TBC1D14: variants seen among roughly 807,000 people sequenced by gnomAD.
The protein encoded by TBC1D14 is TBC1 domain family member 14, also known as TBC1 domain family, member 14.
Under a neutral mutation model 79.0 loss-of-function variants are expected in TBC1D14, and 26 were observed. That is an observed-to-expected ratio of 0.33 (90% confidence interval 0.24 to 0.46). The LOEUF is 0.46. TBC1D14 is among the 20% of genes least tolerant of loss of function. The probability of loss-of-function intolerance (pLI) is 1.00; values close to 1 mark genes in which losing one functional copy is unlikely to be tolerated. For synonymous variants in TBC1D14, 394 were observed against 349.9 expected, an observed-to-expected ratio of 1.13 and a Z score of -1.40; for missense variants, 769 against 887.6, an observed-to-expected ratio of 0.87 and a Z score of 1.70.
intron 2 of TBC1D14, among the ~76,000 whole-genome samples, chr4:6,924,554 GT>G (rs1724133663): frequency 1.3e-5 from 2 of 152,200 alleles, no homozygotes; most frequent in Non-Finnish European, 1.5e-5. Flanking sequence ...TTCCAGCCGT[GT>G]CCCCGTGCCC....
chr4:7,000,924 A>G (rs1008093934), intron 6 of TBC1D14, among the ~76,000 whole-genome samples: 3 of 152,204 alleles, frequency 2.0e-5, no homozygotes, highest in African/African-American at 4.8e-5. Context: ...GTGGTGACCT[A>G]CGCTATGCTG....
chr4:6,975,318 C>A (rs1236441674), intron 3 of TBC1D14, among the ~76,000 whole-genome samples: 1 of 152,182 alleles, frequency 6.6e-6, no homozygotes, highest in Non-Finnish European at 1.5e-5. Flanking sequence ...AAGCGATCCT[C>A]CCATCTCAGC....
intron 1 of TBC1D14, among the ~76,000 whole-genome samples, chr4:6,913,099 G>A (rs1477960351): frequency 1.3e-5 from 2 of 152,062 alleles, no homozygotes; most frequent in African/African-American, 4.8e-5. Context: ...AGGTTCAAGC[G>A]ATTCTCCTGC....
intron 11 of TBC1D14, among the ~76,000 whole-genome samples, chr4:7,011,535 G>T (rs1720773699): frequency 6.6e-6 from 1 of 151,826 alleles, no homozygotes; most frequent in African/African-American, 2.4e-5. Flanking sequence ...AGCCCATCAG[G>T]GTTTTTTTTG....
chr4:6,986,776 C>G (rs1458851353), intron 3 of TBC1D14, among the ~76,000 whole-genome samples: 1 of 152,242 alleles, frequency 6.6e-6, no homozygotes, highest in Non-Finnish European at 1.5e-5. Context: ...CGCCAGCTTC[C>G]GTCTCCCTCC....
chr4:6,927,686 T>G (rs1724401310), intron 2 of TBC1D14, among the ~76,000 whole-genome samples: 1 of 152,186 alleles, frequency 6.6e-6, no homozygotes, highest in African/African-American at 2.4e-5. Flanking sequence ...CATTGGAGGA[T>G]GCCTTACAGC....
intron 1 of TBC1D14, chr4:6,910,188 C>G (rs1433069576): frequency 6.6e-6 from 1 of 151,618 alleles, no homozygotes; most frequent in Non-Finnish European, 1.5e-5. Flanking sequence ...GGGCGACTCT[C>G]GGGACTCGGC....
In TBC1D14 at chr4:6,984,711, G is replaced by A. The variant is rs759935259; in HGVS notation, c.844-9473G>A. On this transcript the variant is annotated intron_variant, in intron 3 of 13. Coordinates refer to ENST00000409757, the MANE Select transcript of TBC1D14 (RefSeq NM_020773.3). The stretch of plus-strand genomic sequence containing the variant: ...GACAAATTATGTATGTGTAAATTTC[G>A]TCCACACAATTGCATAGACATGATG... 6.6e-5 allele frequency among the ~76,000 whole-genome samples: 10 copies of A among 152,076 alleles called. No homozygotes were observed. In the South Asian group the frequency reaches 8.3e-4, roughly 13 times the overall value.
intron 2 of TBC1D14, among the ~76,000 whole-genome samples, chr4:6,959,428 C>G (rs771715064): frequency 4.6e-5 from 7 of 152,180 alleles, no homozygotes; most frequent in Non-Finnish European, 8.8e-5. Flanking sequence ...GCCTGCTTCT[C>G]TGAAGCCCTT....
At chr4:6,935,452 G>A (rs1407223541) in intron 2 of TBC1D14, among the ~76,000 whole-genome samples, 1 of 152,096 alleles carries the variant, frequency 6.6e-6, no homozygotes, top group Non-Finnish European at 1.5e-5. Flanking sequence ...CAGGCGCCTG[G>A]GAGAGGATGG....
intron 3 of TBC1D14, among the ~76,000 whole-genome samples, chr4:6,985,437 C>T (rs747576429): frequency 4.6e-5 from 7 of 152,150 alleles, no homozygotes; most frequent in South Asian, 4.1e-4. Context: ...ATTTATTTTA[C>T]GCCTTGAGGA....
At chr4:6,981,571 G>A (rs1717375127) in intron 3 of TBC1D14, among the ~76,000 whole-genome samples, 1 of 152,118 alleles carries the variant, frequency 6.6e-6, no homozygotes. Context: ...GATGAATACA[G>A]TACCAAAAAA....
At chr4:6,975,510 C>G (rs2109074409) in intron 3 of TBC1D14, among the ~76,000 whole-genome samples, 1 of 152,258 alleles carries the variant, frequency 6.6e-6, no homozygotes, top group East Asian at 1.9e-4. Flanking sequence ...TGCGCCTGGC[C>G]AGGATCATCT....
intron 12 of TBC1D14, among the ~76,000 whole-genome samples, chr4:7,023,891 A>G (rs1722077616): frequency 6.6e-6 from 1 of 152,238 alleles, no homozygotes; most frequent in African/African-American, 2.4e-5. Flanking sequence ...TTTCCCTGGC[A>G]TCTGGCTCTC....
At chr4:7,007,573 A>G (rs1288515663) in intron 9 of TBC1D14, 2 of 1,289,320 alleles carry the variant, frequency 1.6e-6, no homozygotes, top group South Asian at 1.2e-5. Flanking sequence ...TCTTTTCAGA[A>G]GAGGAAAGAG....
intron 3 of TBC1D14, among the ~76,000 whole-genome samples, chr4:6,978,964 G>A (rs188591523): frequency 6.6e-6 from 1 of 152,266 alleles, no homozygotes; most frequent in Admixed American, 6.5e-5. Context: ...ATGTTAATAT[G>A]TAGGACAAGT....
At chr4:6,940,312 A>G (rs35322355) in intron 2 of TBC1D14, among the ~76,000 whole-genome samples, 1 of 152,194 alleles carries the variant, frequency 6.6e-6, no homozygotes, top group Non-Finnish European at 1.5e-5. Flanking sequence ...CTGTGGGACA[A>G]TCTGTGACTT....
chr4:6,999,598 C>G (rs1248020865), intron 6 of TBC1D14, among the ~76,000 whole-genome samples: 2 of 152,062 alleles, frequency 1.3e-5, no homozygotes, highest in African/African-American at 4.8e-5. Context: ...GGACAGAGCC[C>G]TCTCCCTAGG....
At chr4:6,977,391 G>A (rs1487242678) in intron 3 of TBC1D14, among the ~76,000 whole-genome samples, 6 of 143,026 alleles carry the variant, frequency 4.2e-5, no homozygotes, top group African/African-American at 7.6e-5. Context: ...CCGAGGTGCC[G>A]GGATGGCAGA....
Sources: allele counts gnomAD v4.1 joint callset (sites outside exome capture counted in the v4.1 genomes callset), GRCh38; gene constraint gnomAD v4.1.1; transcripts MANE v1.5; gene names NCBI Gene and HGNC (gene_info 2026-07-23, HGNC 2026-07-21).